SORBS2: variants seen among roughly 807,000 people sequenced by gnomAD.
The protein encoded by SORBS2 is sorbin and SH3 domain-containing protein 2.
SORBS2 carries 46 observed loss-of-function variants against 97.7 expected under a neutral mutation model. That is an observed-to-expected ratio of 0.47 (90% confidence interval 0.37 to 0.60). The LOEUF is 0.60. Ranked by LOEUF, SORBS2 falls within the 20% of genes least tolerant of loss-of-function variation. SORBS2 has a pLI of 0.00. For synonymous variants in SORBS2, 476 were observed against 473.4 expected (o/e 1.01, Z -0.07); for missense variants, 1,316 against 1,282.3 (o/e 1.03, Z -0.40).
At chr4:185,924,802 T>A (rs2099262772) in intron 1 of SORBS2, among the ~76,000 whole-genome samples, 1 of 152,230 alleles carries the variant, frequency 6.6e-6, no homozygotes, top group Non-Finnish European at 1.5e-5. Flanking sequence ...CCCCACTCCC[T>A]CCGTCTCTAT....
chr4:185,889,321 C>T (rs1206524612), intron 1 of SORBS2, among the ~76,000 whole-genome samples: 1 of 152,024 alleles, frequency 6.6e-6, no homozygotes, highest in Non-Finnish European at 1.5e-5. Context: ...GCAATTGCTC[C>T]CTTTCTCTCC....
chr4:185,720,811 C>A (rs1443441747), intron 2 of SORBS2, among the ~76,000 whole-genome samples: 1 of 152,156 alleles, frequency 6.6e-6, no homozygotes, highest in African/African-American at 2.4e-5. Context: ...TGATAATTCA[C>A]CCCTTGAAAT....
chr4:185,614,605 G>A (rs1201149060), intron 11 of SORBS2: 3 of 503,428 alleles, frequency 6.0e-6, no homozygotes, highest in African/African-American at 3.9e-5. Flanking sequence ...AAGCCACAGA[G>A]GGAGAAGCCT....
At chr4:185,678,359 T>C in intron 4 of SORBS2, 64 bp downstream of exon 7, 3 of 1,336,156 alleles carry the variant, frequency 2.2e-6, no homozygotes, top group Middle Eastern at 1.9e-4. Flanking sequence ...GGAAAGAGGC[T>C]GTAAGCAGTG....
chr4:185,893,139 A>T (rs2099243292), intron 1 of SORBS2, among the ~76,000 whole-genome samples: 1 of 152,224 alleles, frequency 6.6e-6, no homozygotes, highest in Non-Finnish European at 1.5e-5. Flanking sequence ...GGCACAGAGT[A>T]GGGGAAGGCA....
chr4:185,909,450 G>A (rs1210609228), intron 1 of SORBS2, among the ~76,000 whole-genome samples: 1 of 151,998 alleles, frequency 6.6e-6, no homozygotes, highest in Non-Finnish European at 1.5e-5. Context: ...CATTATCTGG[G>A]TGATGGATCT....
intron 1 of SORBS2, among the ~76,000 whole-genome samples, chr4:185,874,997 G>T (rs1341971909): frequency 1.3e-5 from 2 of 151,884 alleles, no homozygotes; most frequent in Admixed American, 6.6e-5. Context: ...ATTTCCTCAT[G>T]AAAGTATAGG....
intron 1 of SORBS2, among the ~76,000 whole-genome samples, chr4:185,817,753 G>A (rs2099194161): frequency 3.3e-5 from 5 of 152,222 alleles, no homozygotes; most frequent in Admixed American, 2.6e-4. Context: ...ATTAGAAGGT[G>A]CTGGGTGAAA....
chr4:185,931,400 G>A (rs2099266368), intron 1 of SORBS2, among the ~76,000 whole-genome samples: 1 of 152,152 alleles, frequency 6.6e-6, no homozygotes, highest in Admixed American at 6.6e-5. Flanking sequence ...TATGAGGGGG[G>A]ACACCACAAG....
chr4:185,763,328 G>A (rs2098915049), intron 2 of SORBS2, among the ~76,000 whole-genome samples: 1 of 152,132 alleles, frequency 6.6e-6, no homozygotes, highest in African/African-American at 2.4e-5. Context: ...ATTCCTATGG[G>A]CAAGGACCAG....
At chr4:185,934,404 T>C (rs1412326557) in intron 1 of SORBS2, among the ~76,000 whole-genome samples, 1 of 152,198 alleles carries the variant, frequency 6.6e-6, no homozygotes, top group Non-Finnish European at 1.5e-5. Context: ...GCATCCAATT[T>C]GCTTTTGTTT....
At chr4:185,756,788 A>T (rs1045972074) in intron 2 of SORBS2, among the ~76,000 whole-genome samples, 10 of 146,490 alleles carry the variant, frequency 6.8e-5, no homozygotes, top group Non-Finnish European at 1.2e-4. Flanking sequence ...TGAACAAATG[A>T]TCCTTTGGTC....
intron 4 of SORBS2, among the ~76,000 whole-genome samples, chr4:185,674,162 C>T (rs780683927): frequency 2.0e-5 from 3 of 152,198 alleles, no homozygotes; most frequent in South Asian, 2.1e-4. Flanking sequence ...GCTCACTTGA[C>T]CACTTAATGT....
intron 1 of SORBS2, among the ~76,000 whole-genome samples, chr4:185,898,833 G>A (rs908059447): frequency 7.9e-5 from 12 of 152,182 alleles, no homozygotes. Flanking sequence ...TTTAATAAAG[G>A]TGCACAGAGC....
chr4:185,772,481 G>A lies in SORBS2; in HGVS notation c.-198+2746C>T, dbSNP rs563501834. ...GCATACTGTCAAGCGGATAGACCTG[G>A]ACAAAATGTTACTGTTTGTTCCTCA... On this transcript the variant is annotated intron_variant, in intron 2 of 20. Transcript: ENST00000284776. 9 of 152,300 alleles carry A rather than the reference G, an allele frequency of 5.9e-5. No individual in the cohort carries two copies. In the South Asian group the frequency reaches 1.4e-3, roughly 25 times the overall value. The allele number at this position is 152,300 out of a possible 1,614,324, so 9.4% of individuals were successfully genotyped here.
intron 1 of SORBS2, among the ~76,000 whole-genome samples, chr4:185,868,539 G>GA (rs1387679951): frequency 3.3e-5 from 5 of 151,958 alleles, no homozygotes; most frequent in East Asian, 3.9e-4. Context: ...GGCGTGGAGG[G>GA]AAAAAACGAA....
chr4:185,673,175 G>A (rs1231827938), intron 4 of SORBS2, among the ~76,000 whole-genome samples: 2 of 152,170 alleles, frequency 1.3e-5, no homozygotes, highest in African/African-American at 4.8e-5. Context: ...GGGGAAGGGG[G>A]ATATGAGTTG....
At chr4:185,680,850 C>T (rs9991347) in intron 2 of SORBS2, among the ~76,000 whole-genome samples, 2 of 151,978 alleles carry the variant, frequency 1.3e-5, no homozygotes, top group East Asian at 1.9e-4. Flanking sequence ...CGCTGGTCAC[C>T]GTGTTGAAGA....
intron 1 of SORBS2, among the ~76,000 whole-genome samples, chr4:185,937,142 G>A (rs2099269317): frequency 6.6e-6 from 1 of 151,988 alleles, no homozygotes; most frequent in Non-Finnish European, 1.5e-5. Context: ...CGATTTTAAG[G>A]AAAACTCATT....
Sources: gnomAD v4.1 joint callset for allele counts (sites outside exome capture counted in the v4.1 genomes callset) on GRCh38, gnomAD v4.1.1 for gene constraint, MANE v1.5 for transcripts, NCBI Gene and HGNC (gene_info 2026-07-23, HGNC 2026-07-21) for gene names.